Variants in CFAP46 observed in about 807,000 individuals in gnomAD.
CFAP46 encodes the protein cilia- and flagella-associated protein 46.
A neutral mutation model predicts 325.7 loss-of-function variants in CFAP46; 245 were observed. The observed-to-expected ratio is 0.75, with a 90% CI of 0.68 to 0.84. The LOEUF is 0.84. Ranked by LOEUF, CFAP46 falls within the 40% of genes least tolerant of loss-of-function variation. CFAP46 has a pLI of 0.00. For missense variants in CFAP46, 3,346 were observed against 3,543.0 expected, an observed-to-expected ratio of 0.94 and a Z score of 1.41; for synonymous variants, 1,523 against 1,495.9, an observed-to-expected ratio of 1.02 and a Z score of -0.42.
intron 35 of CFAP46, 59 bp downstream of exon 35, chr10:132,865,966 C>A: frequency 7.1e-7 from 1 of 1,406,142 alleles, no homozygotes; most frequent in East Asian, 2.7e-5. Context: ...AGTCCCTCCA[C>A]TGTGCACAGT....
Position 132,919,263 on chromosome 10 carries a change from C to A in CFAP46, c.1858+52G>T. 6.6e-7 allele frequency: 1 copy of A among 1,516,670 alleles called. No homozygotes were observed. The highest frequency in any genetic ancestry group is 8.9e-7 in the Non-Finnish European group (1 of 1,128,510). 94.0% of individuals were successfully genotyped at this position (1,516,670 alleles called of 1,614,324 possible). On this transcript the variant is annotated intron_variant, in intron 15 of 57. Coordinates refer to ENST00000368586, the MANE Select transcript of CFAP46 (RefSeq NM_001200049.3). This position sits in a 1 kb window ranked among gnomAD's most constrained non-coding sequence, Gnocchi z 9.7. ...CACGAACCACAACCCTTCCCACACC[C>A]AGAGGGCGGCCGTGGCCAGGCTGGG... is the stretch of plus-strand genomic sequence containing the variant.
chr10:132,877,019 C>A lies in CFAP46; in HGVS notation c.4213-58G>T, dbSNP rs964129550. 3 of 1,506,730 alleles carry A rather than the reference C, an allele frequency of 2.0e-6. No individual in the cohort carries two copies. Among genetic ancestry groups the A allele is most frequent in the Non-Finnish European group, 2.7e-6 (3 of 1,119,108 alleles). The allele number at this position is 1,506,730 out of a possible 1,614,324, so 93.3% of individuals were successfully genotyped here. On this transcript the variant is annotated intron_variant, in intron 30 of 57. Coordinates refer to ENST00000368586, the MANE Select transcript of CFAP46 (RefSeq NM_001200049.3). This position sits in a 1 kb window ranked among gnomAD's most constrained non-coding sequence, Gnocchi z 5.7. ...ACGGTGGAGGTGAAACAGCAGACAC[C>A]CCCGGCCCACCGGCATGGCTGTGCA...
intron 9 of CFAP46, among the ~76,000 whole-genome samples, chr10:132,927,368 TCCGTCCCGGGGAGCAGGTCCTC>T (rs1849827392): frequency 6.9e-6 from 1 of 144,078 alleles, no homozygotes; most frequent in African/African-American, 2.6e-5. Context: ...GGCAGACGCC[TCCGTCCCGGGGAGCAGGTCCTC>T]GGCGGCAGAC....
Position 132,869,700 on chromosome 10 carries a change from G to C in CFAP46, c.4512-328C>G, listed in dbSNP as rs1042554551. ...AATAAGCAGAGAAGCCTCGACTCCT[G>C]TTGAAAACCCTATTCTTGTAAAATG... On this transcript the variant is annotated intron_variant, in intron 32 of 57. Coordinates refer to ENST00000368586, the MANE Select transcript of CFAP46 (RefSeq NM_001200049.3). This position sits in a 1 kb window ranked among gnomAD's most constrained non-coding sequence, Gnocchi z 6.2. Among the ~76,000 whole-genome samples the C allele has an allele frequency of 1.3e-5, 2 of 152,136 alleles. No individual in the cohort carries two copies. The highest frequency in any genetic ancestry group is 4.8e-5 in the African/African-American group (2 of 41,420).
chr10:132,839,174 G>A (rs985624910), intron 44 of CFAP46, among the ~76,000 whole-genome samples: 6 of 152,188 alleles, frequency 3.9e-5, no homozygotes, highest in Non-Finnish European at 5.9e-5. Context: ...TCGGCAGGGC[G>A]TTTTTGGTGA....
intron 31 of CFAP46, 140 bp from the exon 32 acceptor site, chr10:132,872,964 C>T (rs1044035938): frequency 3.3e-6 from 3 of 912,888 alleles, no homozygotes; most frequent in African/African-American, 1.7e-5. Context: ...CGTGTCCGCA[C>T]ACAGCAGGTG....
At position 132,832,685 on chromosome 10, in the gene CFAP46, G is replaced by A. The variant is rs1848170209; in HGVS notation, c.7117+673C>T. On this transcript the variant is annotated intron_variant, in intron 50 of 57. Coordinates refer to ENST00000368586, the MANE Select transcript of CFAP46 (RefSeq NM_001200049.3). The surrounding 1 kb of genome is among the most constrained non-coding windows in gnomAD (Gnocchi z 4.1). ...GCACGTACCGCAAGGGTAGCGCTCG[G>A]GGAAGCTTCACAACCGGGGCACGTC... 2 of 450,568 alleles carry A rather than the reference G, an allele frequency of 4.4e-6. No homozygotes were observed. The highest frequency in any genetic ancestry group is 9.5e-6 in the Non-Finnish European group (2 of 210,414). 27.9% of individuals were successfully genotyped at this position (450,568 alleles called of 1,614,324 possible). A position where few individuals can be genotyped will look rare whatever the true frequency, so the allele number is the denominator to read the frequency against.
At chr10:132,938,777 G>T (rs1465031427) in intron 4 of CFAP46, 24 bp from the exon 5 acceptor site, 2 of 1,604,608 alleles carry the variant, frequency 1.2e-6, no homozygotes, top group African/African-American at 2.7e-5. Context: ...AGAGGAAGCA[G>T]AGAGCACGCT....
rs60993054 is a variant in CFAP46, at chr10:132,938,503, T to TC, written c.536+85dup. Reference sequence around the variant, plus strand: ...GTGCCCCAGTGATGTGGAACTCCCGTCCCCCCCCCGGAGAAGGGGTGGTGG... The same window carrying TC: ...GTGCCCCAGTGATGTGGAACTCCCGTCCCCCCCCCCGGAGAAGGGGTGGTGG... On this transcript the variant is annotated intron_variant, in intron 5 of 57. Coordinates refer to ENST00000368586, the MANE Select transcript of CFAP46 (RefSeq NM_001200049.3). The TC allele has an allele frequency of 1.4e-3, 1,754 of 1,242,300 alleles. 1 individual carries two copies. Among genetic ancestry groups the TC allele is most frequent in the East Asian group, 2.7e-3 (109 of 40,768 alleles). The allele number at this position is 1,242,300 out of a possible 1,614,324, so 77.0% of individuals were successfully genotyped here. A position where few individuals can be genotyped will look rare whatever the true frequency, so the allele number is the denominator to read the frequency against.
rs1161933381 is a variant in CFAP46 at position 132,919,540 on chromosome 10, G to A, written c.1731-98C>T. ...GCTGGCTGCCTGAGAAAAGGCCACT[G>A]TGGCTCTGCAGTTTCAAGGTGGCAA... On this transcript the variant is annotated intron_variant, in intron 14 of 57. Coordinates refer to ENST00000368586, the MANE Select transcript of CFAP46 (RefSeq NM_001200049.3). This position sits in a 1 kb window ranked among gnomAD's most constrained non-coding sequence, Gnocchi z 9.7. The A allele has an allele frequency of 1.4e-6, 2 of 1,436,848 alleles. No individual in the cohort carries two copies. The highest frequency in any genetic ancestry group is 1.8e-6 in the Non-Finnish European group (2 of 1,083,050). 89.0% of individuals were successfully genotyped at this position (1,436,848 alleles called of 1,614,324 possible).
intron 19 of CFAP46, among the ~76,000 whole-genome samples, chr10:132,912,337 TCTC>T (rs377376498): frequency 7.5e-6 from 1 of 133,698 alleles, no homozygotes; most frequent in Non-Finnish European, 1.6e-5. Context: ...TTCTTCTCTC[TCTC>T]CTGTCTCTTC....
intron 57 of CFAP46, 109 bp downstream of exon 57, chr10:132,810,300 G>T: frequency 1.1e-6 from 1 of 905,360 alleles, no homozygotes; most frequent in Non-Finnish European, 1.8e-6. Flanking sequence ...GGTCCCCCAC[G>T]GAGAAGCGGA....
intron 27 of CFAP46, among the ~76,000 whole-genome samples, chr10:132,881,990 G>A (rs949006202): frequency 6.7e-6 from 1 of 149,720 alleles, no homozygotes; most frequent in African/African-American, 2.5e-5. Flanking sequence ...TGTGTGGGAT[G>A]TGGGGTATGT....
At chr10:132,901,374 T>C (rs1434460270) in intron 22 of CFAP46, among the ~76,000 whole-genome samples, 1 of 152,268 alleles carries the variant, frequency 6.6e-6, no homozygotes, top group Non-Finnish European at 1.5e-5. Flanking sequence ...TTTGCATGAA[T>C]GGAATATTTT....
intron 50 of CFAP46, among the ~76,000 whole-genome samples, chr10:132,820,436 C>CAGCGCTGATGTGTGCTGTGTG: frequency 1.3e-5 from 2 of 152,200 alleles, no homozygotes; most frequent in African/African-American, 4.8e-5. Flanking sequence ...AAAGGGTACA[C>CAGCGCTGATGTGTGCTGTGTG]AGCGCTGATG....
intron 50 of CFAP46, among the ~76,000 whole-genome samples, chr10:132,821,613 T>A (rs1393983202): frequency 7.6e-6 from 1 of 132,254 alleles, no homozygotes; most frequent in Non-Finnish European, 1.7e-5. Flanking sequence ...GTGTGTGCGC[T>A]GATGTGTGCT....
chr10:132,823,432 T>C (rs1847937124), intron 50 of CFAP46, among the ~76,000 whole-genome samples: 1 of 142,932 alleles, frequency 7.0e-6, no homozygotes, highest in Non-Finnish European at 1.5e-5. Context: ...AGTGCTGATG[T>C]GTGCTGTGTG....
At chr10:132,908,934 C>T (rs571778882) in intron 21 of CFAP46, among the ~76,000 whole-genome samples, 5 of 152,178 alleles carry the variant, frequency 3.3e-5, no homozygotes, top group Non-Finnish European at 7.4e-5. Flanking sequence ...GCGTTTGCCT[C>T]GCACCAGGAG....
At chr10:132,820,923 T>G (rs1270675825) in intron 50 of CFAP46, among the ~76,000 whole-genome samples, 2 of 130,990 alleles carry the variant, frequency 1.5e-5, no homozygotes, top group Non-Finnish European at 3.2e-5. Flanking sequence ...TGCTGATGTG[T>G]GCTGTGTGTG....
Sources: gnomAD v4.1 joint callset for allele counts (sites outside exome capture counted in the v4.1 genomes callset) on GRCh38, gnomAD v4.1.1 for gene constraint, Gnocchi (gnomAD v3.1) non-coding constraint, MANE v1.5 for transcripts, NCBI Gene and HGNC (gene_info 2026-07-23, HGNC 2026-07-21) for gene names.